CDH18: variants seen among roughly 807,000 people sequenced by gnomAD.
CDH18 encodes cadherin-18.
CDH18 carries 31 observed loss-of-function variants against 67.9 expected under a neutral mutation model. That is an observed-to-expected ratio of 0.46 (90% CI 0.34 to 0.62). The LOEUF is 0.62. CDH18 is among the 20% of genes least tolerant of loss of function. The probability of loss-of-function intolerance (pLI) is 0.01; values close to 1 mark genes in which losing one functional copy is unlikely to be tolerated. For missense variants in CDH18, 890 were observed against 975.5 expected, an observed-to-expected ratio of 0.91 and a Z score of 1.17; for synonymous variants, 362 against 347.2, an observed-to-expected ratio of 1.04 and a Z score of -0.48.
intron 3 of CDH18, among the ~76,000 whole-genome samples, chr5:19,810,875 T>A (rs1327993363): frequency 6.6e-6 from 1 of 151,620 alleles, no homozygotes; most frequent in Non-Finnish European, 1.5e-5. Flanking sequence ...ACACAAAAAT[T>A]AGCCAGGTAT....
intron 1 of CDH18, among the ~76,000 whole-genome samples, chr5:20,264,816 A>G (rs77684129): frequency 0.011 from 1,708 of 152,204 alleles, 34 homozygotes; most frequent in African/African-American, 0.039. Flanking sequence ...TCTTTGACAG[A>G]CTGGGTACAT....
intron 8 of CDH18, among the ~76,000 whole-genome samples, chr5:19,559,375 C>T (rs575965049): frequency 5.9e-5 from 9 of 151,946 alleles, no homozygotes; most frequent in East Asian, 1.9e-4. Context: ...TTAATATCCA[C>T]GAGTCAATAA....
chr5:20,510,938 A>T (rs1754994282), intron 1 of CDH18, among the ~76,000 whole-genome samples: 1 of 152,218 alleles, frequency 6.6e-6, no homozygotes, highest in Non-Finnish European at 1.5e-5. Context: ...TTGCCGATAA[A>T]TATGAGTAAA....
At chr5:20,157,659 T>TC (rs1244942259) in intron 2 of CDH18, among the ~76,000 whole-genome samples, 16 of 151,566 alleles carry the variant, frequency 1.1e-4, no homozygotes, top group Non-Finnish European at 1.6e-4. Flanking sequence ...TTTTTTTTTT[T>TC]CAAGACAGAA....
At chr5:19,906,743 A>T (rs1790581115) in intron 2 of CDH18, among the ~76,000 whole-genome samples, 2 of 152,004 alleles carry the variant, frequency 1.3e-5, no homozygotes, top group South Asian at 4.1e-4. Context: ...TATGGTTAAC[A>T]TTGCAACATT....
chr5:20,063,749 A>G (rs1421837413), intron 2 of CDH18, among the ~76,000 whole-genome samples: 2 of 152,160 alleles, frequency 1.3e-5, no homozygotes, highest in African/African-American at 4.8e-5. Context: ...AACAAGACCT[A>G]GACATTCTAT....
chr5:19,815,494 A>G (rs1779191854), intron 3 of CDH18, among the ~76,000 whole-genome samples: 1 of 151,850 alleles, frequency 6.6e-6, no homozygotes, highest in Admixed American at 6.6e-5. Context: ...TTCCTTTTAC[A>G]TGATTTATTC....
chr5:19,676,466 C>A (rs1759503814), intron 5 of CDH18, among the ~76,000 whole-genome samples: 2 of 151,952 alleles, frequency 1.3e-5, no homozygotes, highest in Admixed American at 1.3e-4. Flanking sequence ...GCAATTATCA[C>A]ATTGCCTCTC....
rs549542182 is a variant in CDH18, at chr5:19,900,668, T to C, written c.-256-61426A>G. Among the ~76,000 whole-genome samples, 3 of 152,300 alleles carry C rather than the reference T, an allele frequency of 2.0e-5. No homozygotes were observed. The South Asian group carries it at 6.2e-4, about 32-fold the overall frequency. On this transcript the variant is annotated intron_variant, in intron 2 of 12. Coordinates refer to ENST00000382275, the MANE Select transcript of CDH18 (RefSeq NM_004934.5). ...TATGTATGGTATAATTCCACTTACATACACATAATTTTTAAAAGAATGAAT... is the reference window on the plus strand; with the variant it reads ...TATGTATGGTATAATTCCACTTACACACACATAATTTTTAAAAGAATGAAT...
intron 2 of CDH18, among the ~76,000 whole-genome samples, chr5:20,215,652 G>A (rs897394778): frequency 5.3e-5 from 8 of 151,706 alleles, no homozygotes; most frequent in African/African-American, 7.3e-5. Flanking sequence ...ACAAATCATT[G>A]TATCATAAAA....
intron 2 of CDH18, among the ~76,000 whole-genome samples, chr5:20,175,864 T>G (rs1737191595): frequency 6.6e-6 from 1 of 152,106 alleles, no homozygotes; most frequent in African/African-American, 2.4e-5. Context: ...ACTCAAATGT[T>G]AATCTCCTTT....
At position 19,572,068 on chromosome 5, in the gene CDH18, T is replaced by C. The variant is rs1741518504; in HGVS notation, c.1000-236A>G. On this transcript the variant is annotated intron_variant, in intron 7 of 12. Coordinates refer to ENST00000382275, the MANE Select transcript of CDH18 (RefSeq NM_004934.5). ...GTGCAATAATATGTATTTGGTGTTA[T>C]GGACATCAATAGGAGGAATACAAAC... Among the ~76,000 whole-genome samples the C allele has an allele frequency of 2.6e-5, 4 of 152,312 alleles. No homozygotes were observed. The South Asian group carries it at 6.2e-4, about 24-fold the overall frequency.
intron 1 of CDH18, among the ~76,000 whole-genome samples, chr5:20,368,870 T>C (rs2150081789): frequency 6.6e-6 from 1 of 152,244 alleles, no homozygotes; most frequent in East Asian, 1.9e-4. Flanking sequence ...AAGCAATAGG[T>C]AGAGCCTCAA....
At chr5:20,323,659 C>T (rs1738252009) in intron 1 of CDH18, among the ~76,000 whole-genome samples, 1 of 152,182 alleles carries the variant, frequency 6.6e-6, no homozygotes, top group Admixed American at 6.5e-5. Context: ...AGTTCTTTTT[C>T]TCAAATTCCA....
intron 5 of CDH18, among the ~76,000 whole-genome samples, chr5:19,684,636 T>C (rs574606198): frequency 6.6e-6 from 1 of 151,974 alleles, no homozygotes; most frequent in African/African-American, 2.4e-5. Context: ...TCAATAAAAC[T>C]ACATGTTTAA....
intron 1 of CDH18, among the ~76,000 whole-genome samples, chr5:20,285,068 C>T (rs919971267): frequency 1.3e-5 from 2 of 151,484 alleles, no homozygotes; most frequent in Non-Finnish European, 3.0e-5. Flanking sequence ...ATACCCATCC[C>T]CTCTCATAAA....
chr5:20,248,967 T>C (rs577849153), intron 2 of CDH18, among the ~76,000 whole-genome samples: 1 of 152,260 alleles, frequency 6.6e-6, no homozygotes, highest in East Asian at 1.9e-4. Context: ...CAGTGTGAGG[T>C]TATACAATAG....
intron 2 of CDH18, among the ~76,000 whole-genome samples, chr5:19,928,743 C>G (rs1793363709): frequency 6.6e-6 from 1 of 152,090 alleles, no homozygotes; most frequent in Non-Finnish European, 1.5e-5. Context: ...CGCAAATCAT[C>G]AGCTGAACTT....
chr5:19,996,457 C>T (rs1736028046), intron 2 of CDH18, among the ~76,000 whole-genome samples: 1 of 151,956 alleles, frequency 6.6e-6, no homozygotes, highest in Admixed American at 6.6e-5. Context: ...TTGACTATGG[C>T]ATTTGAAAAG....
Sources: gnomAD v4.1 joint callset for allele counts (sites outside exome capture counted in the v4.1 genomes callset) on GRCh38, gnomAD v4.1.1 for gene constraint, MANE v1.5 for transcripts, NCBI Gene and HGNC (gene_info 2026-07-23, HGNC 2026-07-21) for gene names.